Variants in ZNF516 observed in about 807,000 individuals in gnomAD.
ZNF516 encodes zinc finger protein 516.
Under a neutral mutation model 79.7 loss-of-function variants are expected in ZNF516, and 19 were observed. That is an observed-to-expected ratio of 0.24 (90% confidence interval 0.17 to 0.35). The LOEUF (loss-of-function observed/expected upper bound fraction) is 0.35, where lower values mean the gene tolerates loss of function less well. Ranked by LOEUF, ZNF516 falls within the 10% of genes least tolerant of loss-of-function variation. The probability of loss-of-function intolerance (pLI) is 1.00; values close to 1 mark genes in which losing one functional copy is unlikely to be tolerated. For missense variants in ZNF516, 1,678 were observed against 1,679.5 expected (o/e 1.00, Z 0.02); for synonymous variants, 877 against 739.5 (o/e 1.19, Z -3.02).
chr18:76,365,418 A>T (rs1477790956), intron 6 of ZNF516, among the ~76,000 whole-genome samples: 1 of 152,184 alleles, frequency 6.6e-6, no homozygotes, highest in Non-Finnish European at 1.5e-5. Flanking sequence ...CAATGCAACA[A>T]AAAAAATCAA....
chr18:76,447,037 CT>C (rs1010460158), intron 2 of ZNF516, among the ~76,000 whole-genome samples: 4 of 152,176 alleles, frequency 2.6e-5, no homozygotes, highest in Non-Finnish European at 5.9e-5. Flanking sequence ...TTTCTCAAAC[CT>C]TAAAGAAACA....
In ZNF516 at chr18:76,379,501, G is replaced by A. The variant is rs368847616; in HGVS notation, c.2613C>T (p.Ser871=). The change falls in exon 4 of 7, where the codon TCC becomes TCT. Residue 871 remains serine (S), a synonymous_variant. Coordinates refer to ENST00000443185, the MANE Select transcript of ZNF516 (RefSeq NM_014643.4). The part of the protein sequence containing the change: ...ASMPKNKESH[S]GGPCALWAPG... ...GCGCCCACAGAGCGCAGGGACCTCC[G>A]GAATGGCTCTCCTTATTCTTAGGCA... 1.8e-4 allele frequency: 284 copies of A among 1,613,752 alleles called. 2 individuals carry two copies. The African/African-American group carries it at 3.0e-3, about 17-fold the overall frequency.
chr18:76,472,422 C>T (rs1164409354), intron 1 of ZNF516, among the ~76,000 whole-genome samples: 1 of 152,216 alleles, frequency 6.6e-6, no homozygotes, highest in Non-Finnish European at 1.5e-5. Context: ...TGCACCTATA[C>T]ACAGGCGCAC....
In ZNF516 at chr18:76,360,823, T is replaced by C. The variant is rs867671251; in HGVS notation, c.*1675A>G. ...AATAATAATAATAATAATAATAATA[T>C]AATAATATTCAACAAATCATTAGAA... On this transcript the variant is annotated 3_prime_UTR_variant, in exon 7 of 7. Transcript: ENST00000443185. 1.6e-5 allele frequency: 2 copies of C among 127,998 alleles called. No homozygotes were observed. Among genetic ancestry groups the C allele is most frequent in the African/African-American group, 8.5e-5 (2 of 23,480 alleles). The allele number at this position is 127,998 out of a possible 1,614,324, so 7.9% of individuals were successfully genotyped here.
intron 3 of ZNF516, among the ~76,000 whole-genome samples, chr18:76,409,532 A>AC (rs1255534002): frequency 6.6e-6 from 1 of 152,256 alleles, no homozygotes; most frequent in African/African-American, 2.4e-5. Context: ...ATTTCATTGA[A>AC]CTAGAGACTG....
At chr18:76,381,012 G>GC (rs2074883662) in intron 3 of ZNF516, among the ~76,000 whole-genome samples, 1 of 152,220 alleles carries the variant, frequency 6.6e-6, no homozygotes, top group African/African-American at 2.4e-5. Flanking sequence ...ACTGAGCCCG[G>GC]GGTTCCGCCC....
intron 3 of ZNF516, among the ~76,000 whole-genome samples, chr18:76,420,532 T>C (rs770931430): frequency 1.3e-5 from 2 of 152,180 alleles, no homozygotes; most frequent in Non-Finnish European, 1.5e-5. Flanking sequence ...GGACTATTTG[T>C]ATGTGGAAAT....
At position 76,459,078 on chromosome 18, in the gene ZNF516, G is replaced by A. The variant is rs922458160; in HGVS notation, c.-158+3950C>T. On this transcript the variant is annotated intron_variant, in intron 2 of 6. Coordinates refer to ENST00000443185, the MANE Select transcript of ZNF516 (RefSeq NM_014643.4). The surrounding 1 kb of genome is among the most constrained non-coding windows in gnomAD (Gnocchi z 5.0). The stretch of plus-strand genomic sequence containing the variant: ...ACTCATTCAAATACCCTACCTGGAG[G>A]CAAACACGCATGTCCACTTCCAACA... 2.6e-5 allele frequency among the ~76,000 whole-genome samples: 4 copies of A among 152,214 alleles called. No individual in the cohort carries two copies. Among genetic ancestry groups the A allele is most frequent in the African/African-American group, 4.8e-5 (2 of 41,462 alleles).
At chr18:76,426,686 A>T (rs1434222593) in intron 3 of ZNF516, among the ~76,000 whole-genome samples, 1 of 152,248 alleles carries the variant, frequency 6.6e-6, no homozygotes, top group East Asian at 1.9e-4. Flanking sequence ...AAACTGTGTA[A>T]AGGCCGATGT....
chr18:76,408,253 G>A (rs543682018), intron 3 of ZNF516, among the ~76,000 whole-genome samples: 1 of 152,282 alleles, frequency 6.6e-6, no homozygotes, highest in African/African-American at 2.4e-5. Context: ...CGCTGTTATT[G>A]GAAGGCTGAG....
chr18:76,374,848 G>A (rs915118694), intron 4 of ZNF516, among the ~76,000 whole-genome samples: 8 of 152,210 alleles, frequency 5.3e-5, no homozygotes, highest in South Asian at 2.1e-4. Context: ...AAACACATGC[G>A]GTGAGAAGAG....
intron 3 of ZNF516, among the ~76,000 whole-genome samples, chr18:76,391,143 T>C (rs1307518953): frequency 6.6e-6 from 1 of 151,984 alleles, no homozygotes; most frequent in South Asian, 2.1e-4. Flanking sequence ...GGCTGCGAGA[T>C]TTCGAAAAGA....
In ZNF516 at chr18:76,379,322, G is replaced by C; in HGVS notation, c.2792C>G (p.Pro931Arg). The change falls in exon 4 of 7, where the codon CCT (proline) becomes CGT (arginine). Residue 931 changes from proline (P) to arginine (R), a missense_variant. Around this residue, in one of 5 missense-constraint regions of ZNF516, gnomAD observed 1,294 missense variants for 1,248.3 expected, o/e 1.04. Coordinates refer to ENST00000443185, the MANE Select transcript of ZNF516 (RefSeq NM_014643.4). ...AGCCCGGGCGATGACGGTGGGCGTA[G>C]GGGTGGCGCTCCTGCTGAAGCCCCC... ...GGGGFSRSAT[P>R]TPTVIARAGA... The C allele has an allele frequency of 6.3e-7, 1 of 1,599,472 alleles. No individual in the cohort carries two copies. The highest frequency in any genetic ancestry group is 1.1e-5 in the South Asian group (1 of 89,644).
At chr18:76,481,211 T>C (rs1397242711) in intron 1 of ZNF516, among the ~76,000 whole-genome samples, 1 of 152,170 alleles carries the variant, frequency 6.6e-6, no homozygotes, top group Non-Finnish European at 1.5e-5. Context: ...GACCCAGAAA[T>C]TTTTTTGGCA....
In ZNF516 at chr18:76,379,502, G is replaced by A; in HGVS notation, c.2612C>T (p.Ser871Phe). 4 of 1,613,744 alleles carry A rather than the reference G, an allele frequency of 2.5e-6. No homozygotes were observed. The highest frequency in any genetic ancestry group is 3.4e-6 in the Non-Finnish European group (4 of 1,179,902). The stretch of plus-strand genomic sequence containing the variant: ...CGCCCACAGAGCGCAGGGACCTCCG[G>A]AATGGCTCTCCTTATTCTTAGGCAT... ...ASMPKNKESH[S>F]GGPCALWAPG... The change falls in exon 4 of 7, where the codon TCC (serine) becomes TTC (phenylalanine). Residue 871 changes from serine to phenylalanine, a missense_variant. Physicochemically the swap from Ser to Phe is radical, Grantham distance 155. Around this residue, in one of 5 missense-constraint regions of ZNF516, gnomAD observed 1,294 missense variants for 1,248.3 expected, o/e 1.04. Transcript: ENST00000443185.
At chr18:76,484,741 T>C (rs1432989073) in intron 1 of ZNF516, among the ~76,000 whole-genome samples, 1 of 152,236 alleles carries the variant, frequency 6.6e-6, no homozygotes, top group African/African-American at 2.4e-5. Context: ...AAATTCTAAC[T>C]GTAATAACTT....
intron 3 of ZNF516, among the ~76,000 whole-genome samples, chr18:76,385,323 C>T (rs2074969626): frequency 6.6e-6 from 1 of 152,232 alleles, no homozygotes; most frequent in East Asian, 1.9e-4. Context: ...GCATGTTTCA[C>T]ACGGGGCCCA....
intron 3 of ZNF516, among the ~76,000 whole-genome samples, chr18:76,381,395 G>A (rs953500102): frequency 4.6e-5 from 7 of 152,122 alleles, no homozygotes; most frequent in Admixed American, 6.6e-5. Flanking sequence ...CCACCCAGCC[G>A]CCATCTGCAG....
chr18:76,478,927 G>A (rs555536709), intron 1 of ZNF516, among the ~76,000 whole-genome samples: 2 of 152,218 alleles, frequency 1.3e-5, no homozygotes, highest in Non-Finnish European at 2.9e-5. Context: ...ATGGTTGTGT[G>A]CGCCTGTAAT....
Sources: gnomAD v4.1 joint callset for allele counts (sites outside exome capture counted in the v4.1 genomes callset) on GRCh38, gnomAD v4.1.1 for gene constraint, gnomAD v4.1.1 regional missense constraint, Gnocchi (gnomAD v3.1) non-coding constraint, MANE v1.5 for transcripts, NCBI Gene and HGNC (gene_info 2026-07-23, HGNC 2026-07-21) for gene names.